The following LUZP2 variants were observed in gnomAD, a reference collection of about 807,000 sequenced individuals.
LUZP2 encodes leucine zipper protein 2.
In LUZP2, 52 loss-of-function variants were observed where a neutral mutation model predicts 51.6. The ratio of observed to expected loss-of-function variants is 1.01; its 90% CI spans 0.81 to 1.27. The LOEUF is 1.27. Ranked by LOEUF, LUZP2 falls within the 50% of genes most tolerant of loss-of-function variation. The probability of loss-of-function intolerance (pLI) is 0.00; values close to 1 mark genes in which losing one functional copy is unlikely to be tolerated. For missense variants in LUZP2, 436 were observed against 395.4 expected, an observed-to-expected ratio of 1.10 and a Z score of -0.87; for synonymous variants, 154 against 137.3, an observed-to-expected ratio of 1.12 and a Z score of -0.85.
intron 1 of LUZP2, among the ~76,000 whole-genome samples, chr11:24,674,180 C>A (rs1461585806): frequency 1.3e-5 from 2 of 152,092 alleles, no homozygotes; most frequent in Non-Finnish European, 2.9e-5. Context: ...TTAGTAGACT[C>A]ATTTTACCAT....
At chr11:24,934,573 T>C (rs1227743749) in intron 7 of LUZP2, among the ~76,000 whole-genome samples, 1 of 152,104 alleles carries the variant, frequency 6.6e-6, no homozygotes, top group African/African-American at 2.4e-5. Context: ...ATTTTTCCAT[T>C]CTCACCAAAT....
At chr11:24,967,472 C>CT (rs1015730460) in intron 7 of LUZP2, among the ~76,000 whole-genome samples, 55 of 151,802 alleles carry the variant, frequency 3.6e-4, no homozygotes, top group African/African-American at 1.3e-3. Flanking sequence ...CATTTTTTCT[C>CT]TTTTTTTCAT....
chr11:24,736,406 T>C (rs1200464011), intron 3 of LUZP2, among the ~76,000 whole-genome samples: 3 of 151,966 alleles, frequency 2.0e-5, no homozygotes, highest in Admixed American at 2.0e-4. Flanking sequence ...CAGTAGGAAA[T>C]ATAATTTTAT....
intron 1 of LUZP2, among the ~76,000 whole-genome samples, chr11:24,643,318 G>A (rs1216206585): frequency 1.3e-5 from 2 of 151,600 alleles, no homozygotes; most frequent in Non-Finnish European, 2.9e-5. Flanking sequence ...GAGGTTGGGG[G>A]GTAGAGAAGA....
At chr11:25,036,132 T>G (rs1241613201) in intron 9 of LUZP2, among the ~76,000 whole-genome samples, 2 of 152,140 alleles carry the variant, frequency 1.3e-5, no homozygotes, top group East Asian at 3.8e-4. Context: ...TATTGCTGAT[T>G]CAATTTTATA....
Position 24,875,837 on chromosome 11 carries a change from A to C in LUZP2, c.397-30154A>C, listed in dbSNP as rs28798242. ...GTATCTCATTGTGGTTTTGATTTGC[A>C]TTTCTCTGATAGCCAGTGATGGTGA... On this transcript the variant is annotated intron_variant, in intron 5 of 11. Transcript: ENST00000336930. Among the ~76,000 whole-genome samples the C allele has an allele frequency of 6.8e-3, 1,041 of 152,132 alleles. 15 individuals are homozygous for C. Among genetic ancestry groups the C allele is most frequent in the East Asian group, 0.057 (294 of 5,154 alleles).
chr11:24,887,572 T>C (rs1182671934), intron 5 of LUZP2, among the ~76,000 whole-genome samples: 2 of 152,204 alleles, frequency 1.3e-5, no homozygotes, highest in African/African-American at 2.4e-5. Context: ...GCCACTGACT[T>C]GAACCATTTG....
rs78499950 is a variant in LUZP2, at chr11:24,499,751, C to T, written c.62+2446C>T. 1.0e-2 allele frequency among the ~76,000 whole-genome samples: 1,505 copies of T among 150,710 alleles called. 23 individuals are homozygous for T. The highest frequency in any genetic ancestry group is 0.032 in the African/African-American group (1,304 of 40,660). ...TTTCCAAAGTGTAGGGAATGCAGAG[C>T]GGAGACTCTTAATGCAAATATATAT... is the stretch of plus-strand genomic sequence containing the variant. On this transcript the variant is annotated intron_variant, in intron 1 of 11. Coordinates refer to ENST00000336930, the MANE Select transcript of LUZP2 (RefSeq NM_001009909.4).
intron 7 of LUZP2, among the ~76,000 whole-genome samples, chr11:24,918,316 A>T (rs1225623100): frequency 6.6e-6 from 1 of 152,056 alleles, no homozygotes; most frequent in Admixed American, 6.6e-5. Flanking sequence ...TCCTAATTGA[A>T]TACCCTTTAT....
intron 10 of LUZP2, among the ~76,000 whole-genome samples, chr11:25,051,295 C>T (rs1033166550): frequency 4.0e-5 from 6 of 149,922 alleles, no homozygotes; most frequent in African/African-American, 4.9e-5. Flanking sequence ...CCTGCCTGGG[C>T]GACAGAGCGA....
intron 7 of LUZP2, among the ~76,000 whole-genome samples, chr11:24,915,216 C>A (rs891059505): frequency 1.3e-5 from 2 of 152,024 alleles, no homozygotes; most frequent in African/African-American, 4.8e-5. Flanking sequence ...ACTCAAATAA[C>A]AAAAGGGCCA....
intron 9 of LUZP2, among the ~76,000 whole-genome samples, chr11:25,040,242 G>A (rs576897931): frequency 1.3e-5 from 2 of 151,152 alleles, no homozygotes; most frequent in African/African-American, 2.4e-5. Flanking sequence ...GCAATGACTT[G>A]CTTGGCCATA....
chr11:24,687,997 C>G (rs1856946653), intron 1 of LUZP2, among the ~76,000 whole-genome samples: 1 of 152,086 alleles, frequency 6.6e-6, no homozygotes, highest in Non-Finnish European at 1.5e-5. Flanking sequence ...CTCTTTCTCT[C>G]TCTCTGGCTC....
chr11:24,684,026 G>C (rs1196356773), intron 1 of LUZP2, among the ~76,000 whole-genome samples: 1 of 151,876 alleles, frequency 6.6e-6, no homozygotes, highest in Non-Finnish European at 1.5e-5. Context: ...GTCAAACCTT[G>C]TGAAATATAC....
At chr11:24,829,255 C>G (rs1850627523) in intron 5 of LUZP2, among the ~76,000 whole-genome samples, 1 of 151,912 alleles carries the variant, frequency 6.6e-6, no homozygotes, top group African/African-American at 2.4e-5. Context: ...AAGACCTTAA[C>G]CAAAAATAAA....
At chr11:24,874,151 A>T (rs947637469) in intron 5 of LUZP2, among the ~76,000 whole-genome samples, 1 of 152,148 alleles carries the variant, frequency 6.6e-6, no homozygotes, top group African/African-American at 2.4e-5. Context: ...GCTAAAATGA[A>T]GGTTTTTGGG....
intron 7 of LUZP2, among the ~76,000 whole-genome samples, chr11:24,939,869 A>G (rs1854694204): frequency 6.6e-6 from 1 of 152,140 alleles, no homozygotes; most frequent in Admixed American, 6.5e-5. Context: ...TAGCTTGTAA[A>G]TATGGACATC....
chr11:24,722,847 G>A (rs182120794), intron 1 of LUZP2, among the ~76,000 whole-genome samples: 22 of 151,866 alleles, frequency 1.4e-4, no homozygotes, highest in East Asian at 9.7e-4. Context: ...ACCTCAGGAC[G>A]TGGAGGTTGC....
At chr11:24,762,009 T>C (rs553816890) in intron 4 of LUZP2, among the ~76,000 whole-genome samples, 1 of 152,066 alleles carries the variant, frequency 6.6e-6, no homozygotes, top group South Asian at 2.1e-4. Context: ...AATAATAATA[T>C]ATTACTTATA....
Sources: gnomAD v4.1 joint callset for allele counts (sites outside exome capture counted in the v4.1 genomes callset) on GRCh38, gnomAD v4.1.1 for gene constraint, MANE v1.5 for transcripts, NCBI Gene and HGNC (gene_info 2026-07-23, HGNC 2026-07-21) for gene names.